The following SLC6A20 variants were observed in gnomAD, a reference collection of about 807,000 sequenced individuals.
SLC6A20 encodes the protein sodium- and chloride-dependent transporter XTRP3.
In SLC6A20, 73 loss-of-function variants were observed where a neutral mutation model predicts 64.3. That is an observed-to-expected ratio of 1.14 (90% CI 0.94 to 1.38). SLC6A20 has a LOEUF of 1.38. Ranked by LOEUF, SLC6A20 falls within the 40% of genes most tolerant of loss-of-function variation. The pLI, the probability that SLC6A20 is intolerant of heterozygous loss-of-function variation, is 0.00. For synonymous variants in SLC6A20, 347 were observed against 329.6 expected (o/e 1.05, Z -0.57); for missense variants, 725 against 772.8 (o/e 0.94, Z 0.73).
chr3:45,759,366 T>G (rs1699620494), intron 10 of SLC6A20, among the ~76,000 whole-genome samples: 2 of 152,234 alleles, frequency 1.3e-5, no homozygotes, highest in African/African-American at 2.4e-5. Flanking sequence ...AACCAGTGGG[T>G]GTAGAGCTAT....
At chr3:45,762,692 G>A (rs1248334007) in intron 9 of SLC6A20, among the ~76,000 whole-genome samples, 1 of 152,224 alleles carries the variant, frequency 6.6e-6, no homozygotes, top group African/African-American at 2.4e-5. Context: ...CAAAGCAAAA[G>A]TACAGGGAAT....
chr3:45,771,496 G>A, intron 5 of SLC6A20, 38 bp from the exon 6 acceptor site: 1 of 1,610,188 alleles, frequency 6.2e-7, no homozygotes, highest in Non-Finnish European at 8.5e-7. Context: ...TGATCCCTGG[G>A]TGGAATCCCA....
chr3:45,782,621 TTCCATCCATCCATCCATCCA>T (rs3051640), intron 1 of SLC6A20, among the ~76,000 whole-genome samples: 1 of 144,544 alleles, frequency 6.9e-6, no homozygotes, highest in East Asian at 2.1e-4. Flanking sequence ...ATTTCCATAT[TTCCATCCATCCATCCATCCA>T]TCCATCCATC....
rs1699892969 is a variant in SLC6A20 at position 45,772,577 on chromosome 3, G to A, written c.621C>T (p.Leu207=). 3 of 1,613,868 alleles carry A rather than the reference G, an allele frequency of 1.9e-6. No homozygotes were observed. The highest frequency in any genetic ancestry group is 2.2e-5 in the East Asian group (1 of 44,886). Residue 207 remains leucine (L), a synonymous_variant, in exon 5 of 11, where the codon CTC becomes CTT. Coordinates refer to ENST00000358525, the MANE Select transcript of SLC6A20 (RefSeq NM_020208.4). ...TGAGGCCCCTGATGAGGTAGATGAT[G>A]AGCACGCAATAGGGCAGTGACGCCG... is the stretch of plus-strand genomic sequence containing the variant. The part of the protein sequence containing the change: ...YFTASLPYCV[L]IIYLIRGLTL...
rs187122869 is a variant in SLC6A20, at chr3:45,758,928, C to T, written c.*50G>A. 128 of 1,530,818 alleles carry T rather than the reference C, an allele frequency of 8.4e-5. No homozygotes were observed. The highest frequency in any genetic ancestry group is 1.8e-4 in the Middle Eastern group (1 of 5,708). The allele number at this position is 1,530,818 out of a possible 1,614,324, so 94.8% of individuals were successfully genotyped here. On this transcript the variant is annotated 3_prime_UTR_variant, in exon 11 of 11. Transcript: ENST00000358525. ...TTTGAAAAAGCAGCCGAGGAGTTTC[C>T]GCCTGTAAATAGTATCTGTAAAACC...
intron 6 of SLC6A20, 98 bp downstream of exon 6, chr3:45,771,119 C>T (rs1699855093): frequency 3.9e-6 from 6 of 1,545,036 alleles, no homozygotes; most frequent in Non-Finnish European, 5.3e-6. Flanking sequence ...GGATTGAGGA[C>T]TCCAAAACTG....
At chr3:45,786,104 A>G (rs1331764754) in intron 1 of SLC6A20, among the ~76,000 whole-genome samples, 1 of 152,206 alleles carries the variant, frequency 6.6e-6, no homozygotes, top group Non-Finnish European at 1.5e-5. Context: ...ATGATTAATT[A>G]TTGTTGCTTT....
At chr3:45,759,588 G>A (rs1699626201) in intron 10 of SLC6A20, among the ~76,000 whole-genome samples, 3 of 152,340 alleles carry the variant, frequency 2.0e-5, no homozygotes, top group African/African-American at 4.8e-5. Context: ...CCTTTGCAGC[G>A]GGAGTTTTTC....
chr3:45,765,418 G>T lies in SLC6A20; in HGVS notation c.1303+119C>A. 1 of 1,094,820 alleles carries T rather than the reference G, an allele frequency of 9.1e-7. No individual in the cohort carries two copies. The highest frequency in any genetic ancestry group is 1.3e-6 in the Non-Finnish European group (1 of 763,664). The allele number at this position is 1,094,820 out of a possible 1,614,324, so 67.8% of individuals were successfully genotyped here. On this transcript the variant is annotated intron_variant, in intron 8 of 10. Transcript: ENST00000358525. The surrounding 1 kb of genome is among the most constrained non-coding windows in gnomAD (Gnocchi z 4.2). ...GACATGGCAGGACCGTGGTGAGGTG[G>T]CTGCAACCCCCTGTAGCCACCTGAA...
At chr3:45,780,677 C>T (rs1700066208) in intron 2 of SLC6A20, among the ~76,000 whole-genome samples, 1 of 152,166 alleles carries the variant, frequency 6.6e-6, no homozygotes, top group African/African-American at 2.4e-5. Context: ...AGGGTGCGGC[C>T]TGAGAGCACA....
intron 2 of SLC6A20, 86 bp downstream of exon 2, chr3:45,781,997 C>G (rs1051728647): frequency 6.9e-7 from 1 of 1,450,724 alleles, no homozygotes; most frequent in African/African-American, 1.4e-5. Flanking sequence ...GCCCCTTGAT[C>G]CAGCAGCTTT....
rs1442211816 is a variant in SLC6A20 at position 45,756,764 on chromosome 3, T to C, written c.*2214A>G. Reference sequence around the variant, plus strand: ...ACTTTAGGGGTAACGACCTACTTTATTGCAGTTAAAAAAAGAAAAATTTTT... The same window carrying C: ...ACTTTAGGGGTAACGACCTACTTTACTGCAGTTAAAAAAAGAAAAATTTTT... On this transcript the variant is annotated 3_prime_UTR_variant, in exon 11 of 11. Coordinates refer to ENST00000358525, the MANE Select transcript of SLC6A20 (RefSeq NM_020208.4). 1.3e-5 allele frequency: 2 copies of C among 152,106 alleles called. No homozygotes were observed. Among genetic ancestry groups the C allele is most frequent in the Non-Finnish European group, 2.9e-5 (2 of 68,020 alleles). 9.4% of individuals were successfully genotyped at this position (152,106 alleles called of 1,614,324 possible).
intron 1 of SLC6A20, among the ~76,000 whole-genome samples, chr3:45,794,835 T>C (rs189671734): frequency 1.3e-5 from 2 of 152,364 alleles, no homozygotes; most frequent in Non-Finnish European, 2.9e-5. Flanking sequence ...GTTATAGAGC[T>C]GTTAGAGCAC....
intron 4 of SLC6A20, among the ~76,000 whole-genome samples, chr3:45,773,529 T>C (rs1699913830): frequency 6.6e-6 from 1 of 152,226 alleles, no homozygotes; most frequent in Non-Finnish European, 1.5e-5. Context: ...TATCCAGGAA[T>C]GGATTTTTTT....
At position 45,770,335 on chromosome 3, in the gene SLC6A20, T is replaced by C. The variant is rs762833383; in HGVS notation, c.972A>G (p.Glu324=). The C allele has an allele frequency of 5.0e-6, 8 of 1,614,062 alleles. No homozygotes were observed. In the Admixed American group the frequency reaches 1.3e-4, roughly 27 times the overall value. Residue 324 remains glutamate (E), a synonymous_variant, in exon 7 of 11, where the codon GAA becomes GAG. Coordinates refer to ENST00000358525, the MANE Select transcript of SLC6A20 (RefSeq NM_020208.4). ...SLLLTNTFDL[E]DGFLTASNLE... The stretch of plus-strand genomic sequence containing the variant: ...GGTTGCTGGCTGTCAAAAAGCCATC[T>C]TCAAGGTCAAAAGTGTTGGTCAGCA...
In SLC6A20 at chr3:45,758,906, GA is replaced by G; in HGVS notation, c.*71del. On this transcript the variant is annotated 3_prime_UTR_variant, in exon 11 of 11. Coordinates refer to ENST00000358525, the MANE Select transcript of SLC6A20 (RefSeq NM_020208.4). ...CTGAGCACTCCTGGCTTAAGCATTT[GA>G]AAAAGCAGCCGAGGAGTTTCCGCCT... The G allele has an allele frequency of 6.7e-7, 1 of 1,503,316 alleles. No individual in the cohort carries two copies. The highest frequency in any genetic ancestry group is 8.9e-7 in the Non-Finnish European group (1 of 1,125,688). The allele number at this position is 1,503,316 out of a possible 1,614,324, so 93.1% of individuals were successfully genotyped here.
rs936246810 is a variant in SLC6A20, at chr3:45,771,545, G to T, written c.694-87C>A. 3 of 1,576,008 alleles carry T rather than the reference G, an allele frequency of 1.9e-6. No homozygotes were observed. In the African/African-American group the frequency reaches 4.0e-5, roughly 21 times the overall value. ...GCAACAGGAGAGTAGCCCAGAGAGG[G>T]GAAGGAGCTCACCTACAGCACGCAG... On this transcript the variant is annotated intron_variant, in intron 5 of 10. Transcript: ENST00000358525.
chr3:45,773,312 G>A (rs1441824444), intron 4 of SLC6A20, among the ~76,000 whole-genome samples: 1 of 152,192 alleles, frequency 6.6e-6, no homozygotes, highest in Non-Finnish European at 1.5e-5. Flanking sequence ...TCCAGAAAGG[G>A]TTTACTTCCT....
intron 7 of SLC6A20, among the ~76,000 whole-genome samples, chr3:45,769,996 G>A (rs1699832968): frequency 6.6e-6 from 1 of 152,224 alleles, no homozygotes; most frequent in Non-Finnish European, 1.5e-5. Context: ...AGGACAGAGA[G>A]GTCCGCCAGG....
Sources: gnomAD v4.1 joint callset for allele counts (sites outside exome capture counted in the v4.1 genomes callset) on GRCh38, gnomAD v4.1.1 for gene constraint, Gnocchi (gnomAD v3.1) non-coding constraint, MANE v1.5 for transcripts, NCBI Gene and HGNC (gene_info 2026-07-23, HGNC 2026-07-21) for gene names.